KIAA1549L: variants seen among roughly 807,000 people sequenced by gnomAD.
KIAA1549L encodes UPF0606 protein KIAA1549L.
Under a neutral mutation model 160.7 loss-of-function variants are expected in KIAA1549L, and 88 were observed. That is an observed-to-expected ratio of 0.55 (90% CI 0.46 to 0.65). The LOEUF (loss-of-function observed/expected upper bound fraction) is 0.65, where lower values mean the gene tolerates loss of function less well. Ranked by LOEUF, KIAA1549L falls within the 30% of genes least tolerant of loss-of-function variation. The probability of loss-of-function intolerance (pLI) is 0.00; values close to 1 mark genes in which losing one functional copy is unlikely to be tolerated. For synonymous variants in KIAA1549L, 950 were observed against 976.7 expected (o/e 0.97, Z 0.51); for missense variants, 2,258 against 2,437.5 (o/e 0.93, Z 1.55).
At chr11:33,393,055 C>A (rs1041315682) in intron 1 of KIAA1549L, among the ~76,000 whole-genome samples, 1 of 152,144 alleles carries the variant, frequency 6.6e-6, no homozygotes, top group Non-Finnish European at 1.5e-5. Context: ...AAATATAAAT[C>A]GGCCCAAACC....
intron 1 of KIAA1549L, among the ~76,000 whole-genome samples, chr11:33,450,207 C>G (rs747339942): frequency 6.6e-6 from 1 of 152,070 alleles, no homozygotes; most frequent in African/African-American, 2.4e-5. Flanking sequence ...TACGCAGCCA[C>G]TTGGGATGAA....
intron 17 of KIAA1549L, among the ~76,000 whole-genome samples, chr11:33,652,901 G>A (rs982986939): frequency 6.6e-6 from 1 of 152,176 alleles, no homozygotes; most frequent in Non-Finnish European, 1.5e-5. Flanking sequence ...CCCTGCTTTC[G>A]TCTGTCTATG....
intron 1 of KIAA1549L, among the ~76,000 whole-genome samples, chr11:33,483,010 C>G (rs184236009): frequency 2.0e-5 from 3 of 152,220 alleles, no homozygotes; most frequent in Non-Finnish European, 4.4e-5. Flanking sequence ...TCGCTGTTCC[C>G]TATCTCCTCC....
At chr11:33,510,665 C>A (rs555313253) in intron 1 of KIAA1549L, among the ~76,000 whole-genome samples, 2 of 152,194 alleles carry the variant, frequency 1.3e-5, no homozygotes, top group Admixed American at 6.5e-5. Flanking sequence ...GTGGATATAG[C>A]GAGAAGAGAA....
At chr11:33,536,265 C>G (rs1307911312) in intron 1 of KIAA1549L, among the ~76,000 whole-genome samples, 1 of 152,250 alleles carries the variant, frequency 6.6e-6, no homozygotes, top group Non-Finnish European at 1.5e-5. Context: ...AGACAGGGCA[C>G]AGTGCGGATG....
At chr11:33,497,141 TCTTC>T (rs1224692137) in intron 1 of KIAA1549L, among the ~76,000 whole-genome samples, 1 of 152,182 alleles carries the variant, frequency 6.6e-6, no homozygotes, top group Non-Finnish European at 1.5e-5. Context: ...TACTTTAGCT[TCTTC>T]ATAGCACTTA....
rs966155950 is a variant in KIAA1549L at position 33,380,788 on chromosome 11, A to C, written c.238+3899A>C. ...CTTCTTGATGAATCGATACCAAAGA[A>C]TTTCTAATTTAGAACAGTGTGTGGG... On this transcript the variant is annotated intron_variant, in intron 1 of 20. Transcript: ENST00000658780. 2.6e-5 allele frequency among the ~76,000 whole-genome samples: 4 copies of C among 152,140 alleles called. No homozygotes were observed. The East Asian group carries it at 7.8e-4, about 30-fold the overall frequency.
intron 1 of KIAA1549L, among the ~76,000 whole-genome samples, chr11:33,446,986 A>G (rs1293490762): frequency 9.2e-5 from 14 of 152,192 alleles, no homozygotes; most frequent in East Asian, 1.9e-4. Context: ...CTTGAGGACT[A>G]TTTTGGAGGC....
chr11:33,654,063 T>C lies in KIAA1549L; in HGVS notation c.5761-1949T>C, dbSNP rs113603898. 9.7e-3 allele frequency among the ~76,000 whole-genome samples: 1,481 copies of C among 152,026 alleles called. 18 individuals carry two copies. Among genetic ancestry groups the C allele is most frequent in the Middle Eastern group, 0.024 (7 of 294 alleles). On this transcript the variant is annotated intron_variant, in intron 17 of 20. Transcript: ENST00000658780. ...TCTCGGCCCACTGCAACCCCCAACT[T>C]CTGGATTCAAGCAATTCTCCTGCCT...
intron 1 of KIAA1549L, among the ~76,000 whole-genome samples, chr11:33,464,114 T>C (rs1430269017): frequency 1.3e-5 from 2 of 152,208 alleles, no homozygotes; most frequent in Non-Finnish European, 2.9e-5. Flanking sequence ...GAAACAGTCT[T>C]AAAGTGGTTA....
At chr11:33,656,199 C>A in intron 18 of KIAA1549L, 90 bp downstream of exon 18, 3 of 914,756 alleles carry the variant, frequency 3.3e-6, no homozygotes, top group Non-Finnish European at 5.3e-6. Flanking sequence ...CGGCAAATTT[C>A]CTTCATGCTC....
chr11:33,657,437 C>G (rs1852104079), intron 18 of KIAA1549L, among the ~76,000 whole-genome samples: 2 of 152,062 alleles, frequency 1.3e-5, no homozygotes, highest in African/African-American at 2.4e-5. Context: ...AGGATTAGAC[C>G]AGGAAGGAAC....
chr11:33,598,973 A>T (rs1024781699), intron 13 of KIAA1549L, 26 bp downstream of exon 13: 6 of 1,610,030 alleles, frequency 3.7e-6, no homozygotes, highest in Middle Eastern at 2.0e-4. Flanking sequence ...TCCAAGAACC[A>T]CCCCCAGCTG....
At chr11:33,438,107 G>T (rs775347397) in intron 1 of KIAA1549L, among the ~76,000 whole-genome samples, 8 of 152,148 alleles carry the variant, frequency 5.3e-5, no homozygotes, top group Non-Finnish European at 8.8e-5. Flanking sequence ...TGGATGAAGA[G>T]TTGTTTCACA....
At chr11:33,457,093 G>T (rs1311621733) in intron 1 of KIAA1549L, among the ~76,000 whole-genome samples, 1 of 152,168 alleles carries the variant, frequency 6.6e-6, no homozygotes, top group Non-Finnish European at 1.5e-5. Flanking sequence ...GCTGGGTATG[G>T]GGTCCTTTTG....
intron 1 of KIAA1549L, among the ~76,000 whole-genome samples, chr11:33,394,669 CTG>C (rs771455754): frequency 2.0e-5 from 3 of 152,192 alleles, no homozygotes; most frequent in Non-Finnish European, 2.9e-5. Context: ...GATGAGCTAA[CTG>C]TGGTAACAAA....
In KIAA1549L at chr11:33,436,859, A is replaced by G. The variant is rs75767103; in HGVS notation, c.238+59970A>G. On this transcript the variant is annotated intron_variant, in intron 1 of 20. Transcript: ENST00000658780. ...AAGTGAAGGAGTCCAGTACTGGGCTAAGGACATTCAACTTGTTGGAGGCAG... is the reference window on the plus strand; with the variant it reads ...AAGTGAAGGAGTCCAGTACTGGGCTGAGGACATTCAACTTGTTGGAGGCAG... Among the ~76,000 whole-genome samples the G allele has an allele frequency of 8.5e-5, 13 of 152,314 alleles. No homozygotes were observed. In the East Asian group the frequency reaches 2.3e-3, roughly 27 times the overall value.
In KIAA1549L at chr11:33,671,977, T is replaced by C. The variant is rs575994109; in HGVS notation, c.*3823T>C. 25 of 152,354 alleles carry C rather than the reference T, an allele frequency of 1.6e-4. No homozygotes were observed. The highest frequency in any genetic ancestry group is 3.4e-3 in the Middle Eastern group (1 of 294). 9.4% of individuals were successfully genotyped at this position (152,354 alleles called of 1,614,324 possible). The stretch of plus-strand genomic sequence containing the variant: ...GGTCTAAGTGTTGGAAATTAAATTC[T>C]GCCATTCAGTCCAACCTCAAAGGTG... On this transcript the variant is annotated 3_prime_UTR_variant, in exon 21 of 21. Transcript: ENST00000658780.
chr11:33,658,667 A>T, intron 18 of KIAA1549L, 83 bp from the exon 19 acceptor site: 1 of 1,427,100 alleles, frequency 7.0e-7, no homozygotes. Flanking sequence ...TCCATGCCCA[A>T]AGGTGACGGG....
Sources: allele counts gnomAD v4.1 joint callset (sites outside exome capture counted in the v4.1 genomes callset), GRCh38; gene constraint gnomAD v4.1.1; transcripts MANE v1.5; gene names NCBI Gene and HGNC (gene_info 2026-07-23, HGNC 2026-07-21).